The following SPON1 variants were observed in gnomAD, a reference collection of about 807,000 sequenced individuals.
SPON1 encodes spondin-1.
A neutral mutation model predicts 111.7 loss-of-function variants in SPON1; 52 were observed. That is an observed-to-expected ratio of 0.47 (90% CI 0.37 to 0.59). The LOEUF is 0.59. Among genes scored for constraint, SPON1 ranks in the 20% least tolerant of loss-of-function variants. The pLI, the probability that SPON1 is intolerant of heterozygous loss-of-function variation, is 0.00. For missense variants in SPON1, 957 were observed against 1,068.5 expected (o/e 0.90, Z 1.46); for synonymous variants, 410 against 395.8 (o/e 1.04, Z -0.43).
At chr11:14,212,310 A>T (rs925030558) in intron 6 of SPON1, among the ~76,000 whole-genome samples, 4 of 152,126 alleles carry the variant, frequency 2.6e-5, no homozygotes, top group Non-Finnish European at 4.4e-5. Context: ...CTGAATTTTT[A>T]AAAAATTTCT....
intron 6 of SPON1, among the ~76,000 whole-genome samples, chr11:14,206,837 T>A (rs1169682162): frequency 1.3e-5 from 2 of 151,996 alleles, no homozygotes; most frequent in African/African-American, 2.4e-5. Context: ...TCAATGCAAT[T>A]CCTATTAAAC....
intron 6 of SPON1, among the ~76,000 whole-genome samples, chr11:14,177,746 G>A (rs1216988141): frequency 3.3e-5 from 5 of 152,200 alleles, no homozygotes; most frequent in Admixed American, 6.5e-5. Context: ...GGCTGTTATC[G>A]TCTTTGTTTA....
At chr11:14,141,645 T>TTCTTTA (rs1847657592) in intron 6 of SPON1, among the ~76,000 whole-genome samples, 1 of 152,200 alleles carries the variant, frequency 6.6e-6, no homozygotes, top group Admixed American at 6.5e-5. Context: ...GATGTTCTTT[T>TTCTTTA]TCTTTAAAGT....
intron 5 of SPON1, among the ~76,000 whole-genome samples, chr11:14,088,535 C>T (rs1268432014): frequency 2.0e-5 from 3 of 152,212 alleles, no homozygotes; most frequent in East Asian, 3.9e-4. Context: ...TGTGGGTAAC[C>T]TGACCTTTCT....
At chr11:14,011,170 G>A (rs782204331) in intron 2 of SPON1, among the ~76,000 whole-genome samples, 1 of 152,146 alleles carries the variant, frequency 6.6e-6, no homozygotes, top group Non-Finnish European at 1.5e-5. Context: ...TCCACTCTGT[G>A]GGTTTGAATT....
rs1287562738 is a variant in SPON1 at position 14,266,294 on chromosome 11, T to C, written c.*607T>C. The C allele has an allele frequency of 2.0e-5, 3 of 152,174 alleles. No individual in the cohort carries two copies. Among genetic ancestry groups the C allele is most frequent in the African/African-American group, 7.2e-5 (3 of 41,432 alleles). The allele number at this position is 152,174 out of a possible 1,614,324, so 9.4% of individuals were successfully genotyped here. A position where few individuals can be genotyped will look rare whatever the true frequency, so the allele number is the denominator to read the frequency against. ...ATTCGGAATACATTTGTCTCACCCC[T>C]GATATTGGTTCCTGATGCCCCCCCA... is the stretch of plus-strand genomic sequence containing the variant. On this transcript the variant is annotated 3_prime_UTR_variant, in exon 16 of 16. Coordinates refer to ENST00000576479, the MANE Select transcript of SPON1 (RefSeq NM_006108.4).
At chr11:14,033,800 A>T (rs117832548) in intron 2 of SPON1, among the ~76,000 whole-genome samples, 1,576 of 152,274 alleles carry the variant, frequency 0.01, 13 homozygotes, top group Middle Eastern at 0.017. Flanking sequence ...AACCTTGTCT[A>T]CCTGTCTAAA....
chr11:13,986,606 G>T (rs1848187178), intron 2 of SPON1, among the ~76,000 whole-genome samples: 1 of 149,310 alleles, frequency 6.7e-6, no homozygotes, highest in Non-Finnish European at 1.5e-5. Flanking sequence ...AAGTTCTGGG[G>T]TACGTGTGCA....
At chr11:13,987,922 G>A (rs1357788339) in intron 2 of SPON1, among the ~76,000 whole-genome samples, 1 of 152,084 alleles carries the variant, frequency 6.6e-6, no homozygotes, top group Non-Finnish European at 1.5e-5. Context: ...TATCTGTTTT[G>A]GTACCAGTAT....
rs1554941814 is a variant in SPON1 at position 14,260,616 on chromosome 11, G to A, written c.1860G>A (p.Trp620Ter). 6.2e-7 allele frequency: 1 copy of A among 1,613,942 alleles called. No homozygotes were observed. The highest frequency in any genetic ancestry group is 1.7e-5 in the Admixed American group (1 of 60,004). Residue 620 changes from tryptophan to a stop codon, truncating the protein, a stop_gained, in exon 14 of 16, where the codon TGG becomes TGA. Coordinates refer to ENST00000576479, the MANE Select transcript of SPON1 (RefSeq NM_006108.4). LOFTEE classifies it high-confidence loss of function. Reference protein sequence around the residue: ...CHTIPCLLSPWSEWSDCSVTC... With the variant: ...CHTIPCLLSP ...CCATCCCATGCTTGCTGTCCCCATG[G>A]TCCGAGTGGAGTGACTGCAGCGTGA...
chr11:14,190,642 TTC>T (rs1554934456), intron 6 of SPON1, among the ~76,000 whole-genome samples: 8 of 134,384 alleles, frequency 6.0e-5, no homozygotes, highest in African/African-American at 1.9e-4. Context: ...CTTTTTCTTT[TTC>T]TTTTTTTTTT....
intron 15 of SPON1, among the ~76,000 whole-genome samples, chr11:14,264,439 A>T (rs1414984506): frequency 6.6e-6 from 1 of 152,218 alleles, no homozygotes; most frequent in African/African-American, 2.4e-5. Flanking sequence ...CCTGCCAGGG[A>T]CTTCAGTGCT....
rs576862942 is a variant in SPON1 at position 14,184,070 on chromosome 11, C to T, written c.825+48502C>T. Among the ~76,000 whole-genome samples the T allele has an allele frequency of 5.9e-5, 9 of 152,286 alleles. No homozygotes were observed. In the East Asian group the frequency reaches 1.2e-3, roughly 20 times the overall value. On this transcript the variant is annotated intron_variant, in intron 6 of 15. Coordinates refer to ENST00000576479, the MANE Select transcript of SPON1 (RefSeq NM_006108.4). The stretch of plus-strand genomic sequence containing the variant: ...AGTATTATGTCAAACATCCAGCCCA[C>T]GGCCCAGAACTCAAACATTCAACCG...
chr11:14,086,435 G>A (rs1849007106), intron 5 of SPON1, among the ~76,000 whole-genome samples: 1 of 152,076 alleles, frequency 6.6e-6, no homozygotes, highest in South Asian at 2.1e-4. Context: ...TCTGTTTATG[G>A]GATGGATTAC....
intron 6 of SPON1, among the ~76,000 whole-genome samples, chr11:14,178,276 G>A (rs1445785331): frequency 6.6e-6 from 1 of 152,066 alleles, no homozygotes; most frequent in South Asian, 2.1e-4. Flanking sequence ...CAAAAAATTA[G>A]CCAGGCATGG....
chr11:14,155,410 G>T (rs1443214465), intron 6 of SPON1, among the ~76,000 whole-genome samples: 1 of 152,168 alleles, frequency 6.6e-6, no homozygotes, highest in African/African-American at 2.4e-5. Context: ...AATCATGGCG[G>T]CAGGTGAAGG....
chr11:14,202,648 G>A (rs1848475985), intron 6 of SPON1, among the ~76,000 whole-genome samples: 2 of 152,134 alleles, frequency 1.3e-5, no homozygotes, highest in Admixed American at 6.5e-5. Flanking sequence ...TCACTGATTA[G>A]CATTCAGCTT....
chr11:14,045,349 G>A (rs1848660530), intron 3 of SPON1, among the ~76,000 whole-genome samples: 1 of 152,028 alleles, frequency 6.6e-6, no homozygotes, highest in Admixed American at 6.5e-5. Context: ...CCGAGAGGGG[G>A]GCAGATCGCC....
At chr11:14,181,402 G>A (rs1300553398) in intron 6 of SPON1, among the ~76,000 whole-genome samples, 1 of 152,174 alleles carries the variant, frequency 6.6e-6, no homozygotes, top group Non-Finnish European at 1.5e-5. Flanking sequence ...TCAGTATCAG[G>A]CAGCATCCAT....
Sources: allele counts gnomAD v4.1 joint callset (sites outside exome capture counted in the v4.1 genomes callset), GRCh38; gene constraint gnomAD v4.1.1; transcripts MANE v1.5; gene names NCBI Gene and HGNC (gene_info 2026-07-23, HGNC 2026-07-21).